Variants in GAB2 observed in about 807,000 individuals in gnomAD.
The protein encoded by GAB2 is GRB2 associated binding protein 2, also known as GRB2-associated-binding protein 2.
In GAB2, 26 loss-of-function variants were observed where a neutral mutation model predicts 65.5. The ratio of observed to expected loss-of-function variants is 0.40; its 90% CI spans 0.29 to 0.55. The LOEUF (loss-of-function observed/expected upper bound fraction) is 0.55. Ranked by LOEUF, GAB2 falls within the 20% of genes least tolerant of loss-of-function variation. The pLI is 0.53. For missense variants in GAB2, 884 were observed against 875.8 expected, an observed-to-expected ratio of 1.01 and a Z score of -0.12; for synonymous variants, 321 against 329.6, an observed-to-expected ratio of 0.97 and a Z score of 0.28.
chr11:78,226,619 G>GC lies in GAB2; in HGVS notation c.1052_1053insG (p.Pro353ThrfsTer25). ...GACTTGGCTTGGGGGGGCGGGGTGG[G>GC]GGAGCTATGGCTGAGTCCCCAGGAG... is the stretch of plus-strand genomic sequence containing the variant. On this transcript the variant is annotated frameshift_variant, in exon 4 of 10. Transcript: ENST00000361507. LOFTEE classifies it high-confidence loss of function. 1.1e-6 allele frequency: 1 copy of GC among 952,230 alleles called. No individual in the cohort carries two copies. The highest frequency in any genetic ancestry group is 1.6e-6 in the Non-Finnish European group (1 of 620,408). The allele number at this position is 952,230 out of a possible 1,614,324, so 59.0% of individuals were successfully genotyped here.
chr11:78,298,680 G>C (rs1031599657), intron 1 of GAB2, among the ~76,000 whole-genome samples: 2 of 152,208 alleles, frequency 1.3e-5, no homozygotes, highest in African/African-American at 4.8e-5. Flanking sequence ...TCATTCCCCT[G>C]AGGGACCTTG....
At chr11:78,275,640 T>A (rs1480509459) in intron 2 of GAB2, among the ~76,000 whole-genome samples, 2 of 152,200 alleles carry the variant, frequency 1.3e-5, no homozygotes, top group East Asian at 1.9e-4. Context: ...TAAACCTCTA[T>A]CACAGATGAT....
chr11:78,245,453 G>A (rs1467896174), intron 3 of GAB2, among the ~76,000 whole-genome samples: 2 of 152,152 alleles, frequency 1.3e-5, no homozygotes, highest in Non-Finnish European at 2.9e-5. Flanking sequence ...AAAGAAAACA[G>A]AACTGTCATT....
intron 1 of GAB2, among the ~76,000 whole-genome samples, chr11:78,416,139 A>G (rs538222926): frequency 1.3e-5 from 2 of 152,296 alleles, no homozygotes; most frequent in East Asian, 3.9e-4. Flanking sequence ...TGAAGAGGAA[A>G]AAAGTTTATT....
chr11:78,336,319 T>C (rs1358968221), intron 1 of GAB2, among the ~76,000 whole-genome samples: 4 of 91,038 alleles, frequency 4.4e-5, no homozygotes, highest in African/African-American at 1.9e-4. Context: ...AGAGCGAGAC[T>C]GTCTCTCAAA....
intron 1 of GAB2, among the ~76,000 whole-genome samples, chr11:78,360,250 T>G (rs994330427): frequency 1.3e-5 from 2 of 151,978 alleles, no homozygotes; most frequent in African/African-American, 4.8e-5. Flanking sequence ...AACAAATTTG[T>G]AGTCATTTGT....
chr11:78,283,747 T>C (rs1050809823), intron 1 of GAB2, among the ~76,000 whole-genome samples: 22 of 152,144 alleles, frequency 1.4e-4, no homozygotes, highest in African/African-American at 5.3e-4. Context: ...TGAAACACTT[T>C]CTTCACCTGG....
intron 1 of GAB2, among the ~76,000 whole-genome samples, chr11:78,294,386 G>A (rs1024437499): frequency 6.6e-6 from 1 of 152,198 alleles, no homozygotes; most frequent in Non-Finnish European, 1.5e-5. Flanking sequence ...ACAGGTGCAT[G>A]TGTCTTTATA....
chr11:78,253,630 A>G (rs1163174284), intron 2 of GAB2, among the ~76,000 whole-genome samples: 3 of 151,944 alleles, frequency 2.0e-5, no homozygotes, highest in Non-Finnish European at 2.9e-5. Flanking sequence ...TCTTTCTTCA[A>G]CCTTGTTTCT....
At chr11:78,411,159 T>TGG (rs60349763) in intron 1 of GAB2, among the ~76,000 whole-genome samples, 1 of 79,052 alleles carries the variant, frequency 1.3e-5, no homozygotes, top group African/African-American at 4.3e-5. Context: ...TGGGGGTGGT[T>TGG]GGGGGGGGGG....
intron 1 of GAB2, among the ~76,000 whole-genome samples, chr11:78,305,604 C>T (rs10899468): frequency 0.16 from 23,837 of 152,178 alleles, 2,428 homozygotes; most frequent in East Asian, 0.4. Context: ...GGATATAAAG[C>T]ACCAGGACCT....
intron 1 of GAB2, among the ~76,000 whole-genome samples, chr11:78,346,698 TATATATATATATATATATATATA>T (rs1342529637): frequency 1.1e-5 from 1 of 93,560 alleles, no homozygotes; most frequent in East Asian, 3.5e-4. Context: ...TATATATATA[TATATATATATATATATATATATA>T]ATTTTTTTTT....
chr11:78,269,910 T>G (rs1865968387), intron 2 of GAB2, among the ~76,000 whole-genome samples: 1 of 152,152 alleles, frequency 6.6e-6, no homozygotes, highest in Non-Finnish European at 1.5e-5. Context: ...GAAGATACAG[T>G]GGAGGCTTTG....
intron 1 of GAB2, among the ~76,000 whole-genome samples, chr11:78,348,100 T>C (rs1221788049): frequency 6.6e-6 from 1 of 152,128 alleles, no homozygotes; most frequent in Non-Finnish European, 1.5e-5. Context: ...CATCTTGACA[T>C]TGAGTAGGCT....
chr11:78,272,171 A>C (rs999290601), intron 2 of GAB2, among the ~76,000 whole-genome samples: 4 of 152,186 alleles, frequency 2.6e-5, no homozygotes, highest in African/African-American at 9.7e-5. Flanking sequence ...ACTAATACAG[A>C]AAATTGGTAG....
intron 1 of GAB2, among the ~76,000 whole-genome samples, chr11:78,344,955 T>C (rs543957100): frequency 1.3e-5 from 2 of 152,218 alleles, no homozygotes; most frequent in Admixed American, 1.3e-4. Context: ...ATAATAAGCA[T>C]TGTTAAGCTT....
intron 1 of GAB2, among the ~76,000 whole-genome samples, chr11:78,399,584 G>A (rs184800366): frequency 1.2e-4 from 18 of 152,242 alleles, no homozygotes; most frequent in Non-Finnish European, 2.4e-4. Context: ...TTCCTTTCAG[G>A]AAAAATTAAC....
At chr11:78,307,775 A>G (rs538785836) in intron 1 of GAB2, among the ~76,000 whole-genome samples, 1 of 152,362 alleles carries the variant, frequency 6.6e-6, no homozygotes, top group African/African-American at 2.4e-5. Flanking sequence ...TTTTAATACA[A>G]AAGAAGTGAG....
chr11:78,369,187 G>A (rs1435081657), intron 1 of GAB2, among the ~76,000 whole-genome samples: 1 of 151,326 alleles, frequency 6.6e-6, no homozygotes, highest in Non-Finnish European at 1.5e-5. Context: ...TCAATGCCAG[G>A]AAAATTTATC....
Sources: allele counts gnomAD v4.1 joint callset (sites outside exome capture counted in the v4.1 genomes callset), GRCh38; gene constraint gnomAD v4.1.1; transcripts MANE v1.5; gene names NCBI Gene and HGNC (gene_info 2026-07-23, HGNC 2026-07-21).